Variants in EYS observed in about 807,000 individuals in gnomAD.
EYS encodes EGF-like photoreceptor maintenance factor, also known as protein eyes shut homolog.
A neutral mutation model predicts 282.1 loss-of-function variants in EYS; 250 were observed. The observed-to-expected ratio is 0.89, with a 90% confidence interval of 0.80 to 0.98. The LOEUF (loss-of-function observed/expected upper bound fraction) is 0.98. Ranked by LOEUF, EYS falls within the 50% of genes least tolerant of loss-of-function variation. The pLI is 0.00. For synonymous variants in EYS, 1,355 were observed against 1,282.9 expected (o/e 1.06, Z -1.20); for missense variants, 4,016 against 3,709.0 (o/e 1.08, Z -2.15).
At chr6:65,311,585 A>C (rs1769161883) in intron 11 of EYS, among the ~76,000 whole-genome samples, 1 of 152,182 alleles carries the variant, frequency 6.6e-6, no homozygotes, top group Admixed American at 6.5e-5. Context: ...TTTAATATTT[A>C]ATTTGTGTCA....
At chr6:64,371,486 C>T (rs549817958) in intron 29 of EYS, among the ~76,000 whole-genome samples, 1 of 151,814 alleles carries the variant, frequency 6.6e-6, no homozygotes, top group Non-Finnish European at 1.5e-5. Context: ...AAGGCATATT[C>T]TGTTGGTATT....
At chr6:64,570,202 A>G (rs983975073) in intron 26 of EYS, among the ~76,000 whole-genome samples, 6 of 152,224 alleles carry the variant, frequency 3.9e-5, no homozygotes, top group Non-Finnish European at 5.9e-5. Flanking sequence ...AAGCTTCACA[A>G]GTGAAGGAGA....
At chr6:65,043,100 A>G (rs1772988204) in intron 13 of EYS, among the ~76,000 whole-genome samples, 1 of 151,576 alleles carries the variant, frequency 6.6e-6, no homozygotes, top group East Asian at 1.9e-4. Context: ...TTGTTAAATC[A>G]TAACTGTATA....
intron 1 of EYS, among the ~76,000 whole-genome samples, chr6:65,649,441 C>G (rs976208276): frequency 2.0e-5 from 3 of 151,978 alleles, no homozygotes; most frequent in African/African-American, 7.2e-5. Flanking sequence ...AAGCTGATTA[C>G]TAAGAATATA....
chr6:64,146,848 G>C (rs1430672175), intron 31 of EYS, among the ~76,000 whole-genome samples: 1 of 152,122 alleles, frequency 6.6e-6, no homozygotes, highest in Non-Finnish European at 1.5e-5. Context: ...AATTAGAAGT[G>C]AGCCTAAGAG....
At chr6:64,666,643 C>G (rs1769238793) in intron 22 of EYS, among the ~76,000 whole-genome samples, 1 of 152,128 alleles carries the variant, frequency 6.6e-6, no homozygotes, top group African/African-American at 2.4e-5. Flanking sequence ...TTATTTATAA[C>G]TGATATGACA....
rs181199172 is a variant in EYS, at chr6:64,440,763, T to C, written c.5645-1411A>G. On this transcript the variant is annotated intron_variant, in intron 26 of 42. Transcript: ENST00000503581. Reference sequence around the variant, plus strand: ...TTAAAATTCAAATTGTGAAAGAGCATAAAATGTTTTCAAAAACAAACATTA... The same window carrying C: ...TTAAAATTCAAATTGTGAAAGAGCACAAAATGTTTTCAAAAACAAACATTA... Among the ~76,000 whole-genome samples, 5 of 152,208 alleles carry C rather than the reference T, an allele frequency of 3.3e-5. No individual in the cohort carries two copies. In the South Asian group the frequency reaches 6.2e-4, roughly 19 times the overall value.
At chr6:64,165,551 T>C (rs745479187) in intron 31 of EYS, among the ~76,000 whole-genome samples, 1 of 152,166 alleles carries the variant, frequency 6.6e-6, no homozygotes, top group Non-Finnish European at 1.5e-5. Flanking sequence ...ATTACATAAT[T>C]ACAAAGACGA....
intron 24 of EYS, among the ~76,000 whole-genome samples, chr6:64,613,213 A>G (rs1020346589): frequency 6.6e-5 from 10 of 152,102 alleles, no homozygotes; most frequent in African/African-American, 2.4e-4. Flanking sequence ...CTTTTGAACA[A>G]TCCCATAAAG....
chr6:64,371,880 T>A (rs868464255), intron 29 of EYS, among the ~76,000 whole-genome samples: 2 of 152,178 alleles, frequency 1.3e-5, no homozygotes. Flanking sequence ...TTTTTCTCCA[T>A]CCCTTTTATT....
At chr6:63,993,404 C>G (rs1767692885) in intron 34 of EYS, among the ~76,000 whole-genome samples, 1 of 151,520 alleles carries the variant, frequency 6.6e-6, no homozygotes, top group Non-Finnish European at 1.5e-5. Flanking sequence ...TGATAATATA[C>G]ATAGAAAACC....
At chr6:64,881,329 C>T (rs1391513357) in intron 19 of EYS, among the ~76,000 whole-genome samples, 1 of 151,690 alleles carries the variant, frequency 6.6e-6, no homozygotes, top group Non-Finnish European at 1.5e-5. Flanking sequence ...AGACTAAGTG[C>T]CGAATGATGT....
chr6:65,437,658 T>C (rs1768124964), intron 5 of EYS, among the ~76,000 whole-genome samples: 1 of 152,174 alleles, frequency 6.6e-6, no homozygotes, highest in Non-Finnish European at 1.5e-5. Flanking sequence ...GAATCTTCTT[T>C]AAGAAACTTG....
At chr6:64,314,560 G>GA (rs1197765763) in intron 29 of EYS, among the ~76,000 whole-genome samples, 10 of 151,900 alleles carry the variant, frequency 6.6e-5, no homozygotes, top group South Asian at 2.1e-4. Context: ...AAATGCAAAA[G>GA]AAAAAAATGA....
chr6:65,350,492 G>T (rs1770557163), intron 9 of EYS, among the ~76,000 whole-genome samples: 1 of 151,498 alleles, frequency 6.6e-6, no homozygotes, highest in Non-Finnish European at 1.5e-5. Flanking sequence ...AAGTTCACTA[G>T]TACATGTTAA....
intron 41 of EYS, among the ~76,000 whole-genome samples, chr6:63,742,357 G>A (rs1769097318): frequency 6.6e-6 from 1 of 152,140 alleles, no homozygotes; most frequent in Admixed American, 6.5e-5. Context: ...TACTTTGGAT[G>A]TGGGTCAGGC....
intron 13 of EYS, among the ~76,000 whole-genome samples, chr6:65,039,872 A>G (rs1482675581): frequency 1.3e-5 from 2 of 151,642 alleles, no homozygotes; most frequent in Non-Finnish European, 3.0e-5. Context: ...GTAAATGGAT[A>G]AATAGACAAA....
chr6:65,621,220 T>C (rs189551), intron 2 of EYS, among the ~76,000 whole-genome samples: 10,872 of 152,236 alleles, frequency 0.071, 657 homozygotes, highest in East Asian at 0.18. Flanking sequence ...GGACTTGCTT[T>C]ATGAAACTTG....
At chr6:65,315,754 C>T (rs1769279926) in intron 11 of EYS, among the ~76,000 whole-genome samples, 1 of 143,824 alleles carries the variant, frequency 7.0e-6, no homozygotes, top group African/African-American at 2.6e-5. Context: ...ACCATGATCC[C>T]CTTTCTGTTG....
Sources: allele counts gnomAD v4.1 joint callset (sites outside exome capture counted in the v4.1 genomes callset), GRCh38; gene constraint gnomAD v4.1.1; transcripts MANE v1.5; gene names NCBI Gene and HGNC (gene_info 2026-07-23, HGNC 2026-07-21).